Variants in IMMP2L observed in about 807,000 individuals in gnomAD.
IMMP2L encodes inner mitochondrial membrane peptidase subunit 2, also known as mitochondrial inner membrane protease subunit 2.
Under a neutral mutation model 19.3 loss-of-function variants are expected in IMMP2L, and 18 were observed. That is an observed-to-expected ratio of 0.93 (90% CI 0.64 to 1.38). The LOEUF is 1.38. Among genes scored for constraint, IMMP2L ranks in the 40% most tolerant of loss-of-function variants. The probability of loss-of-function intolerance (pLI) is 0.00; values close to 1 mark genes in which losing one functional copy is unlikely to be tolerated. For synonymous variants in IMMP2L, 76 were observed against 73.0 expected (o/e 1.04, Z -0.21); for missense variants, 233 against 218.2 (o/e 1.07, Z -0.43).
At chr7:111,301,629 G>A (rs1243621266) in intron 3 of IMMP2L, among the ~76,000 whole-genome samples, 1 of 151,890 alleles carries the variant, frequency 6.6e-6, no homozygotes, top group African/African-American at 2.4e-5. Flanking sequence ...GCTAATTTTT[G>A]TAGAAGGTAT....
chr7:111,547,063 G>C (rs1395021507), intron 1 of IMMP2L, among the ~76,000 whole-genome samples: 5 of 152,074 alleles, frequency 3.3e-5, no homozygotes, highest in Admixed American at 2.0e-4. Flanking sequence ...CTTAATCTAA[G>C]GGCAACTAGA....
intron 3 of IMMP2L, chr7:111,122,625 T>C: frequency 6.3e-6 from 4 of 637,654 alleles, no homozygotes; most frequent in South Asian, 6.3e-5. Context: ...CTGGCACTTA[T>C]TTCAGTGAAG....
At chr7:111,521,546 G>T in intron 1 of IMMP2L, 97 bp from the exon 2 acceptor site, 2 of 1,052,998 alleles carry the variant, frequency 1.9e-6, no homozygotes, top group Non-Finnish European at 2.7e-6. Context: ...TTACCGAAGG[G>T]CAATCTTGTC....
intron 3 of IMMP2L, among the ~76,000 whole-genome samples, chr7:111,273,753 C>A (rs1818729814): frequency 6.6e-6 from 1 of 151,944 alleles, no homozygotes; most frequent in East Asian, 1.9e-4. Context: ...TAGCCAAAAC[C>A]ACAAATATTA....
intron 3 of IMMP2L, among the ~76,000 whole-genome samples, chr7:111,217,241 C>G (rs1429580815): frequency 1.3e-5 from 2 of 151,822 alleles, no homozygotes; most frequent in Non-Finnish European, 2.9e-5. Flanking sequence ...TATCTTAAAG[C>G]TAGCTCTCCT....
Position 111,534,773 on chromosome 7 carries a change from C to T in IMMP2L, c.-2-13324G>A, listed in dbSNP as rs559848158. ...GATTCAACCAAGAGCAAGTCTTCTCCCAATTAAAGTGAAAGTCTCATTTGG... is the reference window on the plus strand; with the variant it reads ...GATTCAACCAAGAGCAAGTCTTCTCTCAATTAAAGTGAAAGTCTCATTTGG... On this transcript the variant is annotated intron_variant, in intron 1 of 5. Transcript: ENST00000405709. 2.0e-4 allele frequency among the ~76,000 whole-genome samples: 31 copies of T among 152,178 alleles called. No homozygotes were observed. In the South Asian group the frequency reaches 4.8e-3, roughly 23 times the overall value.
intron 3 of IMMP2L, among the ~76,000 whole-genome samples, chr7:111,207,534 G>GTTTTTTTTTTTTTT (rs376864629): frequency 7.8e-5 from 7 of 90,102 alleles, no homozygotes; most frequent in African/African-American, 8.7e-5. Context: ...TTTATTTTTG[G>GTTTTTTTTTTTTTT]TTTTTTTTTT....
intron 3 of IMMP2L, among the ~76,000 whole-genome samples, chr7:110,967,904 G>GA (rs1489350484): frequency 6.6e-6 from 1 of 151,988 alleles, no homozygotes; most frequent in Non-Finnish European, 1.5e-5. Context: ...TGTCAAATTT[G>GA]AAAAAATGTT....
At chr7:111,410,714 G>C (rs1335481920) in intron 3 of IMMP2L, among the ~76,000 whole-genome samples, 1 of 151,506 alleles carries the variant, frequency 6.6e-6, no homozygotes, top group Non-Finnish European at 1.5e-5. Context: ...AGAAGACAAA[G>C]AGAACATATT....
intron 5 of IMMP2L, among the ~76,000 whole-genome samples, chr7:110,700,501 A>G (rs1794207835): frequency 6.6e-6 from 1 of 152,206 alleles, no homozygotes; most frequent in Non-Finnish European, 1.5e-5. Context: ...AGATTGGCAC[A>G]AATACTGTTT....
chr7:111,075,753 A>G (rs1255589139), intron 3 of IMMP2L, among the ~76,000 whole-genome samples: 1 of 152,148 alleles, frequency 6.6e-6, no homozygotes, highest in African/African-American at 2.4e-5. Flanking sequence ...TGTCACATCT[A>G]AAGATAGACA....
chr7:111,313,276 C>T (rs1473974805), intron 3 of IMMP2L, among the ~76,000 whole-genome samples: 1 of 152,130 alleles, frequency 6.6e-6, no homozygotes, highest in Non-Finnish European at 1.5e-5. Context: ...TCCTACCTTA[C>T]AATCTTTCAA....
At chr7:110,664,092 C>T (rs1162448621) in intron 5 of IMMP2L, among the ~76,000 whole-genome samples, 3 of 152,072 alleles carry the variant, frequency 2.0e-5, no homozygotes, top group Non-Finnish European at 4.4e-5. Flanking sequence ...CAGTTTGACT[C>T]GAGTCCACCA....
chr7:110,740,998 G>T (rs566906549), intron 5 of IMMP2L, among the ~76,000 whole-genome samples: 1 of 151,340 alleles, frequency 6.6e-6, no homozygotes, highest in East Asian at 1.9e-4. Context: ...TCTACCCAGA[G>T]GAAAAGAAGT....
chr7:111,035,829 C>G (rs1455927332), intron 3 of IMMP2L, among the ~76,000 whole-genome samples: 2 of 152,096 alleles, frequency 1.3e-5, no homozygotes, highest in African/African-American at 4.8e-5. Flanking sequence ...TAAATGGAAT[C>G]ATCTGATATG....
chr7:111,218,226 C>CA (rs1173096213), intron 3 of IMMP2L, among the ~76,000 whole-genome samples: 2 of 152,026 alleles, frequency 1.3e-5, no homozygotes, highest in Non-Finnish European at 2.9e-5. Flanking sequence ...TTTTCTTATG[C>CA]AAGACATCAC....
chr7:110,713,371 T>G (rs1053006778), intron 5 of IMMP2L, among the ~76,000 whole-genome samples: 1 of 152,196 alleles, frequency 6.6e-6, no homozygotes, highest in Non-Finnish European at 1.5e-5. Flanking sequence ...TCTTACAGCT[T>G]GGGATTGTTT....
intron 3 of IMMP2L, among the ~76,000 whole-genome samples, chr7:111,458,991 G>A (rs977786705): frequency 6.6e-6 from 1 of 152,042 alleles, no homozygotes; most frequent in African/African-American, 2.4e-5. Context: ...TTCACCATTT[G>A]CTAGTCCTTA....
intron 5 of IMMP2L, among the ~76,000 whole-genome samples, chr7:110,755,394 G>A (rs1174542027): frequency 1.3e-5 from 2 of 152,016 alleles, no homozygotes. Context: ...TTAAAATACT[G>A]TTTAAAATAC....
Sources: gnomAD v4.1 joint callset for allele counts (sites outside exome capture counted in the v4.1 genomes callset) on GRCh38, gnomAD v4.1.1 for gene constraint, MANE v1.5 for transcripts, NCBI Gene and HGNC (gene_info 2026-07-23, HGNC 2026-07-21) for gene names.